CD163L1: variants seen among roughly 807,000 people sequenced by gnomAD.
The protein encoded by CD163L1 is CD163 molecule like 1, also known as scavenger receptor cysteine-rich type 1 protein M160.
In CD163L1, 124 loss-of-function variants were observed where a neutral mutation model predicts 165.4. The ratio of observed to expected loss-of-function variants is 0.75; its 90% CI spans 0.65 to 0.87. The LOEUF (loss-of-function observed/expected upper bound fraction) is 0.87, where lower values mean the gene tolerates loss of function less well. CD163L1 is among the 40% of genes least tolerant of loss of function. CD163L1 has a pLI of 0.00. For missense variants in CD163L1, 1,525 were observed against 1,799.9 expected (o/e 0.85, Z 2.76); for synonymous variants, 585 against 662.2 (o/e 0.88, Z 1.79).
At chr12:7,325,881 C>T in the CD163L1 span, among the ~76,000 whole-genome samples, 78 of 152,322 alleles carry the variant, frequency 5.1e-4, no homozygotes, top group South Asian at 0.016. Context: ...CCCTCTCACA[C>T]ACCAGTGAGC....
rs1368378510 is a variant in CD163L1 at position 7,372,283 on chromosome 12, T to C, written c.3730+1037A>G. On this transcript the variant is annotated intron_variant, in intron 14 of 19. Coordinates refer to ENST00000313599, the MANE Select transcript of CD163L1 (RefSeq NM_174941.6). This position sits in a 1 kb window ranked among gnomAD's most constrained non-coding sequence, Gnocchi z 4.2. ...TACTGGGGATAAGAATGAAAACTAA[T>C]ACATAGGCTTTCTGCTGGAGCAATT... Among the ~76,000 whole-genome samples, 1 of 152,066 alleles carries C rather than the reference T, an allele frequency of 6.6e-6. No homozygotes were observed. The highest frequency in any genetic ancestry group is 2.4e-5 in the African/African-American group (1 of 41,444).
chr12:7,440,439 T>A (rs1948814971), intron 2 of CD163L1, among the ~76,000 whole-genome samples: 1 of 151,676 alleles, frequency 6.6e-6, no homozygotes, highest in African/African-American at 2.4e-5. Context: ...AGCCCGGCCC[T>A]TGAATTCATC....
In CD163L1 at chr12:7,372,960, CA is replaced by C. The variant is rs1668046878; in HGVS notation, c.3730+359del. On this transcript the variant is annotated intron_variant, in intron 14 of 19. Coordinates refer to ENST00000313599, the MANE Select transcript of CD163L1 (RefSeq NM_174941.6). The surrounding 1 kb of genome is among the most constrained non-coding windows in gnomAD (Gnocchi z 4.2). ...AGCTGCTTAATCTCCATAATTAATT[CA>C]CATTTCCTCAAAAGTTCTGAGCTTT... is the stretch of plus-strand genomic sequence containing the variant. Among the ~76,000 whole-genome samples the C allele has an allele frequency of 6.6e-6, 1 of 152,222 alleles. No homozygotes were observed. Among genetic ancestry groups the C allele is most frequent in the Admixed American group, 6.5e-5 (1 of 15,288 alleles).
chr12:7,343,371 C>T (rs1946649591), downstream of CD163L1, among the ~76,000 whole-genome samples: 1 of 152,148 alleles, frequency 6.6e-6, no homozygotes, highest in South Asian at 2.1e-4. Flanking sequence ...CAATGCCATT[C>T]TTACATTGCT....
intron 4 of CD163L1, among the ~76,000 whole-genome samples, chr12:7,411,771 A>G (rs1948142096): frequency 6.6e-6 from 1 of 152,122 alleles, no homozygotes; most frequent in African/African-American, 2.4e-5. Flanking sequence ...ACATCCCCCA[A>G]CCATAGTGTT....
At chr12:7,420,573 G>GA (rs978999721) in intron 4 of CD163L1, among the ~76,000 whole-genome samples, 2 of 151,580 alleles carry the variant, frequency 1.3e-5, no homozygotes, top group African/African-American at 4.8e-5. Flanking sequence ...ATTCTCAAAA[G>GA]AAAAAATACA....
In CD163L1 at chr12:7,372,658, T is replaced by C. The variant is rs1343650167; in HGVS notation, c.3730+662A>G. Among the ~76,000 whole-genome samples the C allele has an allele frequency of 1.3e-5, 2 of 151,738 alleles. No homozygotes were observed. The highest frequency in any genetic ancestry group is 2.9e-5 in the Non-Finnish European group (2 of 67,862). On this transcript the variant is annotated intron_variant, in intron 14 of 19. Transcript: ENST00000313599. This position sits in a 1 kb window ranked among gnomAD's most constrained non-coding sequence, Gnocchi z 4.2. ...ATCATACTATATATACATATACATA[T>C]ATAGTATCTATATTTCATATACACA...
In CD163L1 at chr12:7,368,203, T is replaced by C. The variant is rs767236740; in HGVS notation, c.4073-6A>G. The C allele has an allele frequency of 2.0e-6, 3 of 1,488,676 alleles. No individual in the cohort carries two copies. The highest frequency in any genetic ancestry group is 1.1e-5 in the South Asian group (1 of 88,266). The allele number at this position is 1,488,676 out of a possible 1,614,324, so 92.2% of individuals were successfully genotyped here. A position where few individuals can be genotyped will look rare whatever the true frequency, so the allele number is the denominator to read the frequency against. ...TAAAATAAGTGCTAAATGACCTGTA[T>C]AGAAATTAAGCATTGATAAGTATTA... On this transcript the variant is annotated splice_region_variant and splice_polypyrimidine_tract_variant and intron_variant, in intron 16 of 19. Transcript: ENST00000313599. The surrounding 1 kb of genome is among the most constrained non-coding windows in gnomAD (Gnocchi z 4.3).
chr12:7,357,741 A>G (rs1946807511), intron 18 of CD163L1: 2 of 255,838 alleles, frequency 7.8e-6, no homozygotes, highest in Non-Finnish European at 1.5e-5. Context: ...CCAGTATCTT[A>G]AAAGCCTAGA....
the CD163L1 span, among the ~76,000 whole-genome samples, chr12:7,336,164 A>G: frequency 6.9e-6 from 1 of 145,882 alleles, no homozygotes; most frequent in South Asian, 2.3e-4. Context: ...CTGGGTATAT[A>G]CCCAAAGGAT....
In CD163L1 at chr12:7,441,138, A is replaced by G. The variant is rs755259051; in HGVS notation, c.124+16T>C. On this transcript the variant is annotated intron_variant, in intron 2 of 19. Transcript: ENST00000313599. ...GAGGATTGTAAGCCCAAAAGTTATC[A>G]TCCATCAGAACTCACTAAAACTGCT... 2.3e-5 allele frequency: 37 copies of G among 1,583,218 alleles called. No homozygotes were observed. Among genetic ancestry groups the G allele is most frequent in the South Asian group, 5.5e-5 (5 of 90,418 alleles).
chr12:7,398,548 T>G lies in CD163L1; in HGVS notation c.1445A>C (p.His482Pro). 3 of 1,604,834 alleles carry G rather than the reference T, an allele frequency of 1.9e-6. No individual in the cohort carries two copies. Among genetic ancestry groups the G allele is most frequent in the Non-Finnish European group, 2.6e-6 (3 of 1,175,614 alleles). ...ADLDLRLVGA[H>P]SPCYGRLEVK... ...CTCCAATCTCCCATAACAGGGGCTATGAGCCCCGACAAGCCTTAGGTCCAG... is the reference window on the plus strand; with the variant it reads ...CTCCAATCTCCCATAACAGGGGCTAGGAGCCCCGACAAGCCTTAGGTCCAG... The change falls in exon 7 of 20, where the codon CAT becomes CCT. Residue 482 changes from histidine to proline, a missense_variant. Coordinates refer to ENST00000313599, the MANE Select transcript of CD163L1 (RefSeq NM_174941.6). The surrounding 1 kb of genome is among the most constrained non-coding windows in gnomAD (Gnocchi z 4.5).
At chr12:7,365,399 C>T (rs1010944360) in intron 18 of CD163L1, among the ~76,000 whole-genome samples, 31 of 152,008 alleles carry the variant, frequency 2.0e-4, no homozygotes, top group Admixed American at 6.6e-5. Flanking sequence ...GCCACCAAAG[C>T]AAAAATATAG....
rs1206603556 is a variant in CD163L1 at position 7,379,296 on chromosome 12, C to T, written c.2053G>A (p.Ala685Thr). The T allele has an allele frequency of 4.3e-6, 7 of 1,612,922 alleles. No individual in the cohort carries two copies. Among genetic ancestry groups the T allele is most frequent in the Non-Finnish European group, 5.1e-6 (6 of 1,179,188 alleles). ...ACAAGCCTCAGCTCCATATCCGATGCATCTGAAACCAAATACCACAATGAT... is the reference window on the plus strand; with the variant it reads ...ACAAGCCTCAGCTCCATATCCGATGTATCTGAAACCAAATACCACAATGAT... ...SEDVGVICSDASDMELRLVGG... is the reference protein window; with the variant it reads ...SEDVGVICSDTSDMELRLVGG... Residue 685 changes from alanine (A) to threonine (T), a missense_variant and splice_region_variant, in exon 9 of 20, where the codon GCA becomes ACA. Physicochemically the swap from Ala to Thr is moderately conservative, Grantham distance 58 (BLOSUM62 0). Coordinates refer to ENST00000313599, the MANE Select transcript of CD163L1 (RefSeq NM_174941.6).
the CD163L1 span, among the ~76,000 whole-genome samples, chr12:7,321,622 A>G: frequency 2.0e-5 from 3 of 152,238 alleles, no homozygotes; most frequent in African/African-American, 7.2e-5. Flanking sequence ...TATTTTGAAT[A>G]CACATGATTT....
intron 4 of CD163L1, among the ~76,000 whole-genome samples, chr12:7,407,650 T>TAC (rs994978875): frequency 3.1e-4 from 47 of 151,296 alleles, no homozygotes; most frequent in African/African-American, 6.5e-4. Flanking sequence ...GATATATATA[T>TAC]ACACACACAC....
intron 1 of CD163L1, among the ~76,000 whole-genome samples, chr12:7,443,831 TATCCTTGTGTGACTTCTA>T (rs1948858803): frequency 6.6e-6 from 1 of 152,200 alleles, no homozygotes; most frequent in Non-Finnish European, 1.5e-5. Flanking sequence ...CACAACTTCA[TATCCTTGTGTGACTTCTA>T]ATCTCCAGTC....
At chr12:7,419,920 A>G (rs762325203) in intron 4 of CD163L1, among the ~76,000 whole-genome samples, 2 of 152,294 alleles carry the variant, frequency 1.3e-5, no homozygotes, top group East Asian at 3.9e-4. Context: ...ACTAAGCAAA[A>G]AGAACAAATC....
At chr12:7,420,781 A>T (rs766322902) in intron 4 of CD163L1, among the ~76,000 whole-genome samples, 6 of 152,074 alleles carry the variant, frequency 3.9e-5, no homozygotes, top group African/African-American at 1.4e-4. Flanking sequence ...TACGAAAAAC[A>T]GTGTGGAAAT....
Sources: gnomAD v4.1 joint callset for allele counts (sites outside exome capture counted in the v4.1 genomes callset) on GRCh38, gnomAD v4.1.1 for gene constraint, Gnocchi (gnomAD v3.1) non-coding constraint, MANE v1.5 for transcripts, NCBI Gene and HGNC (gene_info 2026-07-23, HGNC 2026-07-21) for gene names.